The following RNF150 variants were observed in gnomAD, a reference collection of about 807,000 sequenced individuals.
The protein encoded by RNF150 is ring finger protein 150.
In RNF150, 24 loss-of-function variants were observed where a neutral mutation model predicts 39.3. The ratio of observed to expected loss-of-function variants is 0.61; its 90% CI spans 0.44 to 0.86. RNF150 has a LOEUF of 0.86. RNF150 is among the 40% of genes least tolerant of loss of function. RNF150 has a pLI of 0.00. For missense variants in RNF150, 502 were observed against 587.8 expected (o/e 0.85, Z 1.51); for synonymous variants, 255 against 227.3 (o/e 1.12, Z -1.10).
chr4:141,052,417 C>T (rs1171385223), intron 1 of RNF150, among the ~76,000 whole-genome samples: 1 of 151,984 alleles, frequency 6.6e-6, no homozygotes, highest in Non-Finnish European at 1.5e-5. Flanking sequence ...ACTCTGTTAC[C>T]CAGGCTGGAG....
At chr4:140,952,416 T>C (rs1212270397) in intron 2 of RNF150, among the ~76,000 whole-genome samples, 1 of 152,210 alleles carries the variant, frequency 6.6e-6, no homozygotes, top group Non-Finnish European at 1.5e-5. Context: ...CCTTCTTAAA[T>C]GTGGGCATGT....
intron 4 of RNF150, among the ~76,000 whole-genome samples, chr4:140,945,591 T>C (rs1732270345): frequency 6.9e-6 from 1 of 144,570 alleles, no homozygotes; most frequent in African/African-American, 2.5e-5. Flanking sequence ...ATACTACATA[T>C]ATACATATAT....
chr4:140,907,807 A>ACAT (rs1730445924), intron 6 of RNF150, among the ~76,000 whole-genome samples: 1 of 152,214 alleles, frequency 6.6e-6, no homozygotes, highest in South Asian at 2.1e-4. Context: ...TTGGACAGTG[A>ACAT]CATTAATCTC....
At chr4:140,966,414 TAAAAGAC>T (rs1165254143) in intron 2 of RNF150, among the ~76,000 whole-genome samples, 1 of 151,992 alleles carries the variant, frequency 6.6e-6, no homozygotes, top group East Asian at 1.9e-4. Context: ...ATGGATAAAA[TAAAAGAC>T]AATGACAAGC....
intron 1 of RNF150, among the ~76,000 whole-genome samples, chr4:141,194,585 T>A (rs1728167452): frequency 6.6e-6 from 1 of 151,368 alleles, no homozygotes; most frequent in Non-Finnish European, 1.5e-5. Context: ...ATTACAGTGT[T>A]ACAACTGCAG....
chr4:141,198,774 C>T (rs1728245327), intron 1 of RNF150, among the ~76,000 whole-genome samples: 2 of 152,120 alleles, frequency 1.3e-5, no homozygotes, highest in Non-Finnish European at 2.9e-5. Context: ...CTTGTCTCTG[C>T]CTTCAAAATA....
At chr4:141,015,017 CA>C (rs1320328378) in intron 1 of RNF150, among the ~76,000 whole-genome samples, 6 of 152,084 alleles carry the variant, frequency 3.9e-5, no homozygotes, top group Admixed American at 3.9e-4. Flanking sequence ...AGATAAGCGT[CA>C]ATTTTCATTC....
intron 1 of RNF150, among the ~76,000 whole-genome samples, chr4:141,066,462 A>G (rs1221871998): frequency 6.6e-6 from 1 of 152,206 alleles, no homozygotes; most frequent in Admixed American, 6.5e-5. Flanking sequence ...GCCACCTTAT[A>G]TAATTTTTCA....
At chr4:141,101,112 A>G (rs753268770) in intron 1 of RNF150, among the ~76,000 whole-genome samples, 8 of 152,216 alleles carry the variant, frequency 5.3e-5, no homozygotes, top group Admixed American at 1.3e-4. Context: ...CTCAGGCTAC[A>G]CTAAATTTAT....
intron 1 of RNF150, among the ~76,000 whole-genome samples, chr4:141,061,172 C>T (rs531212839): frequency 1.3e-5 from 2 of 151,752 alleles, no homozygotes; most frequent in East Asian, 1.9e-4. Flanking sequence ...ATATTAAAAA[C>T]CCAAGGCAAA....
At chr4:141,198,378 C>G (rs1172923751) in intron 1 of RNF150, among the ~76,000 whole-genome samples, 3 of 152,126 alleles carry the variant, frequency 2.0e-5, no homozygotes, top group Non-Finnish European at 4.4e-5. Context: ...GAGATTAATT[C>G]ATAGATTTTT....
chr4:140,974,654 G>A (rs951715678), intron 1 of RNF150, among the ~76,000 whole-genome samples: 1 of 152,078 alleles, frequency 6.6e-6, no homozygotes, highest in Non-Finnish European at 1.5e-5. Flanking sequence ...TAGTATCCTG[G>A]TAAGACTTGG....
In RNF150 at chr4:140,945,744, C is replaced by G. The variant is rs114809755; in HGVS notation, c.890+1910G>C. Among the ~76,000 whole-genome samples, 627 of 151,484 alleles carry G rather than the reference C, an allele frequency of 4.1e-3. 3 individuals are homozygous for G. The highest frequency in any genetic ancestry group is 0.014 in the African/African-American group (593 of 41,404). On this transcript the variant is annotated intron_variant, in intron 4 of 6. Coordinates refer to ENST00000515673, the MANE Select transcript of RNF150 (RefSeq NM_020724.2). The stretch of plus-strand genomic sequence containing the variant: ...AATGCTATGTATATAATTTTTAAAA[C>G]AGATTTTCTTAATTTACATTTGTAA...
chr4:140,895,374 T>C (rs1238883129), intron 6 of RNF150, among the ~76,000 whole-genome samples: 1 of 152,192 alleles, frequency 6.6e-6, no homozygotes, highest in Non-Finnish European at 1.5e-5. Context: ...TAGCTATGCA[T>C]CAATGTAAGT....
intron 1 of RNF150, among the ~76,000 whole-genome samples, chr4:141,210,171 A>C (rs1241190839): frequency 2.0e-5 from 3 of 152,252 alleles, no homozygotes; most frequent in African/African-American, 7.2e-5. Context: ...TGTGTATTTG[A>C]TGATCTTTTA....
At chr4:141,091,475 A>G (rs1299817867) in intron 1 of RNF150, among the ~76,000 whole-genome samples, 3 of 152,206 alleles carry the variant, frequency 2.0e-5, no homozygotes, top group Non-Finnish European at 4.4e-5. Flanking sequence ...GCAGGATGGG[A>G]AACAGTGGAT....
Position 140,865,142 on chromosome 4 carries a change from A to G in RNF150, c.*3119T>C, listed in dbSNP as rs755656265. On this transcript the variant is annotated 3_prime_UTR_variant, in exon 7 of 7. Transcript: ENST00000515673. ...AGGTGCTGTGAGTGTAAAAGACACA[A>G]TGGATTTAGAAGACTTAGTACACAA... is the stretch of plus-strand genomic sequence containing the variant. 1 of 152,200 alleles carries G rather than the reference A, an allele frequency of 6.6e-6. No individual in the cohort carries two copies. Among genetic ancestry groups the G allele is most frequent in the African/African-American group, 2.4e-5 (1 of 41,440 alleles). 9.4% of individuals were successfully genotyped at this position (152,200 alleles called of 1,614,324 possible). A position where few individuals can be genotyped will look rare whatever the true frequency, so the allele number is the denominator to read the frequency against.
chr4:141,000,072 A>AAGAAGAAGG (rs1734597048), intron 1 of RNF150, among the ~76,000 whole-genome samples: 9 of 84,260 alleles, frequency 1.1e-4, no homozygotes, highest in African/African-American at 4.4e-4. Context: ...GAAGAAGAAG[A>AAGAAGAAGG]AGAAGAAGAA....
At position 140,967,860 on chromosome 4, in the gene RNF150, G is replaced by A. The variant is rs777453556; in HGVS notation, c.498C>T (p.Ile166=). The A allele has an allele frequency of 9.9e-6, 16 of 1,613,100 alleles. No individual in the cohort carries two copies. The highest frequency in any genetic ancestry group is 3.3e-5 in the Admixed American group (2 of 59,932). The change falls in exon 2 of 7, where the codon ATC becomes ATT. Residue 166 remains isoleucine (I), a synonymous_variant. Coordinates refer to ENST00000515673, the MANE Select transcript of RNF150 (RefSeq NM_020724.2). ...ITMPHAGVED[I]VAIMIPEPKG... ...TTGGCTCAGGAATCATTATGGCCAC[G>A]ATGTCTTCTACACCTGTGGTAAGAG...
Sources: gnomAD v4.1 joint callset for allele counts (sites outside exome capture counted in the v4.1 genomes callset) on GRCh38, gnomAD v4.1.1 for gene constraint, MANE v1.5 for transcripts, NCBI Gene and HGNC (gene_info 2026-07-23, HGNC 2026-07-21) for gene names.